Variants in KATNBL1 observed in about 807,000 individuals in gnomAD.
The protein encoded by KATNBL1 is katanin regulatory subunit B1 like 1, also known as KATNB1-like protein 1.
In KATNBL1, 28 loss-of-function variants were observed where a neutral mutation model predicts 44.7. The ratio of observed to expected loss-of-function variants is 0.63; its 90% CI spans 0.46 to 0.86. The LOEUF is 0.86. Among genes scored for constraint, KATNBL1 ranks in the 40% least tolerant of loss-of-function variants. The pLI, the probability that KATNBL1 is intolerant of heterozygous loss-of-function variation, is 0.00. For synonymous variants in KATNBL1, 78 were observed against 114.9 expected (o/e 0.68, Z 2.06); for missense variants, 272 against 350.7 (o/e 0.78, Z 1.79).
Position 34,151,805 on chromosome 15 carries a change from C to T in KATNBL1, c.438+985G>A, listed in dbSNP as rs78825149. ...AGAATATTTCTATCACTCTCAAAAACGCTTTTGAGTCTGTTAACCAGTTTT... is the reference window on the plus strand; with the variant it reads ...AGAATATTTCTATCACTCTCAAAAATGCTTTTGAGTCTGTTAACCAGTTTT... On this transcript the variant is annotated intron_variant, in intron 4 of 9. Transcript: ENST00000256544. 2.5e-3 allele frequency among the ~76,000 whole-genome samples: 388 copies of T among 152,172 alleles called. 9 individuals are homozygous for T. The East Asian group carries it at 0.053, about 21-fold the overall frequency.
chr15:34,206,085 T>A (rs1163928874), intron 1 of KATNBL1, among the ~76,000 whole-genome samples: 1 of 152,178 alleles, frequency 6.6e-6, no homozygotes, highest in Non-Finnish European at 1.5e-5. Flanking sequence ...TTAAATCACT[T>A]GCCCAAAAAC....
intron 1 of KATNBL1, among the ~76,000 whole-genome samples, chr15:34,187,486 T>A (rs1348379186): frequency 1.3e-5 from 2 of 152,096 alleles, no homozygotes; most frequent in Non-Finnish European, 2.9e-5. Context: ...ACCCCAGAGA[T>A]CCCATAACAA....
chr15:34,196,573 C>T (rs1890035454), intron 1 of KATNBL1, among the ~76,000 whole-genome samples: 2 of 151,762 alleles, frequency 1.3e-5, no homozygotes, highest in Admixed American at 6.6e-5. Context: ...ATTAAAAATA[C>T]GAAAACCTGC....
At chr15:34,150,280 T>C (rs930017362) in intron 4 of KATNBL1, among the ~76,000 whole-genome samples, 2 of 152,196 alleles carry the variant, frequency 1.3e-5, no homozygotes, top group African/African-American at 4.8e-5. Flanking sequence ...AATGCACAAC[T>C]GAAACTTTTT....
intron 3 of KATNBL1, among the ~76,000 whole-genome samples, chr15:34,153,390 C>CT (rs1032466819): frequency 6.6e-6 from 1 of 152,112 alleles, no homozygotes; most frequent in Non-Finnish European, 1.5e-5. Context: ...GAAACCTGAT[C>CT]TTTTTCTAAC....
chr15:34,164,974 A>G (rs1013995108), intron 1 of KATNBL1, among the ~76,000 whole-genome samples: 3 of 152,254 alleles, frequency 2.0e-5, no homozygotes, highest in South Asian at 2.1e-4. Context: ...GAACATACAC[A>G]TGAAATTTTA....
At chr15:34,175,472 A>G (rs1889301474) in intron 1 of KATNBL1, among the ~76,000 whole-genome samples, 1 of 152,216 alleles carries the variant, frequency 6.6e-6, no homozygotes, top group South Asian at 2.1e-4. Context: ...TCTAGATGAC[A>G]ACGTACATAG....
In KATNBL1 at chr15:34,145,508, G is replaced by T; in HGVS notation, c.789-17C>A. On this transcript the variant is annotated splice_polypyrimidine_tract_variant and intron_variant, in intron 8 of 9. Transcript: ENST00000256544. ...TGAATATTTCTAAAAGAAAAAAAAG[G>T]AAGAAAAATGAGAAAGCAAATACAT... 1.4e-6 allele frequency: 2 copies of T among 1,410,904 alleles called. No homozygotes were observed. The highest frequency in any genetic ancestry group is 1.7e-5 in the South Asian group (1 of 58,226). The allele number at this position is 1,410,904 out of a possible 1,614,324, so 87.4% of individuals were successfully genotyped here.
At chr15:34,179,696 A>G (rs1185746860) in intron 1 of KATNBL1, among the ~76,000 whole-genome samples, 7 of 152,232 alleles carry the variant, frequency 4.6e-5, no homozygotes, top group Non-Finnish European at 8.8e-5. Flanking sequence ...AGGTTTTTCA[A>G]AAGAGATATA....
At chr15:34,194,142 A>C (rs1007100473) in intron 1 of KATNBL1, among the ~76,000 whole-genome samples, 33 of 152,082 alleles carry the variant, frequency 2.2e-4, no homozygotes, top group African/African-American at 7.7e-4. Context: ...GGGTTTCTCC[A>C]TATTGGCCAG....
At chr15:34,169,061 T>C (rs755839586) in intron 1 of KATNBL1, among the ~76,000 whole-genome samples, 1 of 152,064 alleles carries the variant, frequency 6.6e-6, no homozygotes, top group African/African-American at 2.4e-5. Context: ...ATTCAAAAGG[T>C]AGCAGAAGGC....
chr15:34,144,589 G>A (rs943468000), intron 9 of KATNBL1, among the ~76,000 whole-genome samples: 2 of 114,680 alleles, frequency 1.7e-5, no homozygotes, highest in African/African-American at 6.8e-5. Flanking sequence ...TTTTTTTTTT[G>A]AGACGGAGTT....
intron 1 of KATNBL1, among the ~76,000 whole-genome samples, chr15:34,193,243 A>AC: frequency 7.2e-6 from 1 of 139,120 alleles, no homozygotes; most frequent in Non-Finnish European, 1.6e-5. Context: ...AAACAAAAAA[A>AC]AAACTTAAGG....
chr15:34,147,452 C>T, intron 5 of KATNBL1, 22 bp from the exon 6 acceptor site: 8 of 1,597,734 alleles, frequency 5.0e-6, no homozygotes, highest in Non-Finnish European at 6.9e-6. Flanking sequence ...AAAAGAATAG[C>T]ATTGCCTTAG....
chr15:34,191,577 T>C (rs1597458859), intron 1 of KATNBL1, among the ~76,000 whole-genome samples: 1 of 152,290 alleles, frequency 6.6e-6, no homozygotes, highest in East Asian at 1.9e-4. Context: ...GAATTATTAT[T>C]AATCATTGTT....
At chr15:34,173,674 T>C (rs1034998934) in intron 1 of KATNBL1, among the ~76,000 whole-genome samples, 1 of 152,120 alleles carries the variant, frequency 6.6e-6, no homozygotes, top group African/African-American at 2.4e-5. Flanking sequence ...AAAACTGGTA[T>C]ACATCGGAGC....
chr15:34,153,254 G>T (rs1281014685), intron 3 of KATNBL1, among the ~76,000 whole-genome samples, 185 bp from the exon 4 acceptor site: 3 of 152,076 alleles, frequency 2.0e-5, no homozygotes, highest in Non-Finnish European at 4.4e-5. Flanking sequence ...CAAATTATCT[G>T]GAAGACAATG....
At chr15:34,184,321 G>T (rs1457213783) in intron 1 of KATNBL1, among the ~76,000 whole-genome samples, 1 of 102,030 alleles carries the variant, frequency 9.8e-6, no homozygotes, top group African/African-American at 4.5e-5. Flanking sequence ...AAAAAAATTA[G>T]CTGGGCGTGG....
intron 1 of KATNBL1, among the ~76,000 whole-genome samples, chr15:34,165,173 C>T (rs1266620178): frequency 2.0e-5 from 3 of 152,138 alleles, no homozygotes; most frequent in Non-Finnish European, 4.4e-5. Context: ...ATGTGCAGAA[C>T]TGAAAGGCGT....
Sources: allele counts gnomAD v4.1 joint callset (sites outside exome capture counted in the v4.1 genomes callset), GRCh38; gene constraint gnomAD v4.1.1; transcripts MANE v1.5; gene names NCBI Gene and HGNC (gene_info 2026-07-23, HGNC 2026-07-21).